The following UNC80 variants were observed in gnomAD, a reference collection of about 807,000 sequenced individuals.
UNC80 encodes the protein protein unc-80 homolog.
In UNC80, 164 loss-of-function variants were observed where a neutral mutation model predicts 384.6. The ratio of observed to expected loss-of-function variants is 0.43; its 90% CI spans 0.38 to 0.49. The LOEUF is 0.49. UNC80 is among the 20% of genes least tolerant of loss of function. The pLI is 0.00. For missense variants in UNC80, 3,330 were observed against 4,143.0 expected (o/e 0.80, Z 5.39); for synonymous variants, 1,486 against 1,527.8 (o/e 0.97, Z 0.64).
intron 25 of UNC80, 96 bp from the exon 26 acceptor site, chr2:209,887,999 A>G: frequency 1.7e-6 from 2 of 1,160,102 alleles, no homozygotes; most frequent in Non-Finnish European, 2.4e-6. Context: ...GTTTAAACGC[A>G]GTTGTGTATA....
intron 47 of UNC80, among the ~76,000 whole-genome samples, chr2:209,952,693 A>G (rs1308553029): frequency 6.6e-6 from 1 of 152,210 alleles, no homozygotes; most frequent in Non-Finnish European, 1.5e-5. Context: ...TCCAAAAGAT[A>G]TCTGCTAGCC....
At chr2:209,783,798 G>A (rs11693202) in intron 4 of UNC80, among the ~76,000 whole-genome samples, 20,536 of 152,038 alleles carry the variant, frequency 0.14, 1,990 homozygotes, top group African/African-American at 0.26. Flanking sequence ...ATAAAACCAG[G>A]TCAATTGAGG....
intron 5 of UNC80, 31 bp from the exon 6 acceptor site, chr2:209,789,501 C>T (rs35337581): frequency 0.091 from 139,188 of 1,534,520 alleles, 9,892 homozygotes; most frequent in African/African-American, 0.31. Context: ...TAAAACCTTA[C>T]AAAACGATGG....
intron 24 of UNC80, 72 bp from the exon 25 acceptor site, chr2:209,880,889 G>C: frequency 7.1e-7 from 1 of 1,415,726 alleles, no homozygotes; most frequent in Middle Eastern, 1.8e-4. Flanking sequence ...GTGTAGCTAT[G>C]TCCATCAAAC....
intron 31 of UNC80, among the ~76,000 whole-genome samples, chr2:209,914,681 G>GTGTGTGTA (rs770809140): frequency 6.7e-6 from 1 of 149,554 alleles, no homozygotes; most frequent in African/African-American, 2.5e-5. Flanking sequence ...GTGTGTGTGT[G>GTGTGTGTA]TATATAAATA....
At chr2:209,984,975 C>T (rs1368719474) in intron 61 of UNC80, 63 bp downstream of exon 61, 3 of 1,382,470 alleles carry the variant, frequency 2.2e-6, no homozygotes, top group Non-Finnish European at 3.0e-6. Context: ...TTCCCTGTCT[C>T]CTCTGTCTCT....
intron 16 of UNC80, among the ~76,000 whole-genome samples, chr2:209,831,840 G>A (rs1029531769): frequency 2.0e-5 from 3 of 152,182 alleles, no homozygotes; most frequent in Admixed American, 6.5e-5. Flanking sequence ...GTTATAGAGT[G>A]TTTGGTGAAA....
chr2:209,969,966 T>G, intron 53 of UNC80, 75 bp downstream of exon 53: 1 of 1,518,700 alleles, frequency 6.6e-7, no homozygotes, highest in Non-Finnish European at 8.9e-7. Flanking sequence ...AATTGAAGAT[T>G]TACAGGTCAA....
chr2:209,971,610 G>T lies in UNC80; in HGVS notation c.8257-591G>T, dbSNP rs1274724145. ...TAAATGGATAACTGACCCATCCGTCGTTTGACAACCAAGCTTGATGGCTCA... is the reference window on the plus strand; with the variant it reads ...TAAATGGATAACTGACCCATCCGTCTTTTGACAACCAAGCTTGATGGCTCA... On this transcript the variant is annotated intron_variant, in intron 54 of 64. Transcript: ENST00000673920. 1.3e-5 allele frequency among the ~76,000 whole-genome samples: 2 copies of T among 152,118 alleles called. 1 individual carries two copies. Among genetic ancestry groups the T allele is most frequent in the Non-Finnish European group, 2.9e-5 (2 of 68,032 alleles).
chr2:209,801,132 TG>T (rs1238711503), intron 7 of UNC80, among the ~76,000 whole-genome samples: 1 of 152,180 alleles, frequency 6.6e-6, no homozygotes, highest in African/African-American at 2.4e-5. Flanking sequence ...CTCATTGATC[TG>T]TGTAATACTG....
At chr2:209,794,121 T>C (rs928658450) in intron 7 of UNC80, among the ~76,000 whole-genome samples, 1 of 152,240 alleles carries the variant, frequency 6.6e-6, no homozygotes, top group African/African-American at 2.4e-5. Context: ...AATGTTTAAG[T>C]GCAGAACTCA....
Position 209,931,032 on chromosome 2 carries a change from C to G in UNC80, c.5972C>G (p.Ser1991Cys), listed in dbSNP as rs1377820770. The change falls in exon 38 of 65, where the codon TCT (serine) becomes TGT (cysteine). Residue 1991 changes from serine (S) to cysteine (C), a missense_variant. Around this residue, in one of 8 missense-constraint regions of UNC80, gnomAD observed 1,049 missense variants for 1,488.6 expected, o/e 0.70. Transcript: ENST00000673920. ...ATTGGAGACTTTCCTGCTCAGACAT[C>G]TCACATCCTATTCAACTATTTGGTG... Reference protein sequence around the residue: ...LNIGDFPAQTSHILFNYLVGL... With the variant: ...LNIGDFPAQTCHILFNYLVGL... 4 of 1,550,198 alleles carry G rather than the reference C, an allele frequency of 2.6e-6. No homozygotes were observed. The highest frequency in any genetic ancestry group is 3.5e-6 in the Non-Finnish European group (4 of 1,145,970).
At chr2:209,984,641 C>T (rs2093242657) in intron 60 of UNC80, among the ~76,000 whole-genome samples, 1 of 152,074 alleles carries the variant, frequency 6.6e-6, no homozygotes, top group Admixed American at 6.5e-5. Flanking sequence ...GAGTTGTATC[C>T]ATCCAAAGCC....
intron 52 of UNC80, 164 bp downstream of exon 52, chr2:209,967,801 C>G: frequency 1.7e-6 from 1 of 601,664 alleles, no homozygotes; most frequent in Non-Finnish European, 2.8e-6. Flanking sequence ...GTAGCAAAGC[C>G]TACATTTTGA....
intron 7 of UNC80, chr2:209,795,927 A>G (rs375032715): frequency 1.3e-5 from 2 of 152,370 alleles, no homozygotes; most frequent in Admixed American, 6.5e-5. Context: ...CCCCACACAG[A>G]GTCCCTAATG....
intron 29 of UNC80, among the ~76,000 whole-genome samples, chr2:209,910,572 A>G (rs1251942633): frequency 4.6e-5 from 7 of 151,756 alleles, no homozygotes; most frequent in Admixed American, 4.6e-4. Flanking sequence ...ATGGTAGGAT[A>G]TTAAATATTT....
Position 209,939,561 on chromosome 2 carries a change from C to T in UNC80, c.6555C>T (p.His2185=), listed in dbSNP as rs78714720. ...QKIPTAHKQS[H]VSMLQEDLLR... is the part of the protein sequence containing the mutation. ...TCCCCACAGCCCACAAACAGTCCCACGTCTCCATGCTTCAGGAAGACCTCC... is the reference window on the plus strand; with the variant it reads ...TCCCCACAGCCCACAAACAGTCCCATGTCTCCATGCTTCAGGAAGACCTCC... The change falls in exon 43 of 65, where the codon CAC becomes CAT. Residue 2185 remains histidine, a synonymous_variant. Coordinates refer to ENST00000673920, the MANE Select transcript of UNC80 (RefSeq NM_001371986.1). The T allele has an allele frequency of 4.2e-4, 659 of 1,551,804 alleles. 2 individuals are homozygous for T. The highest frequency in any genetic ancestry group is 6.7e-4 in the Middle Eastern group (4 of 5,994).
intron 7 of UNC80, chr2:209,808,757 C>CCTGCCCTACTT: frequency 2.4e-5 from 1 of 42,408 alleles, no homozygotes; most frequent in Non-Finnish European, 3.8e-5. Flanking sequence ...GAGTGGGTCG[C>CCTGCCCTACTT]CTGCGCTACT....
chr2:209,868,796 G>T (rs1023138669), intron 22 of UNC80, among the ~76,000 whole-genome samples: 1 of 152,040 alleles, frequency 6.6e-6, no homozygotes, highest in African/African-American at 2.4e-5. Flanking sequence ...TTGCTGATAC[G>T]ACTATTTTTG....
Sources: gnomAD v4.1 joint callset for allele counts (sites outside exome capture counted in the v4.1 genomes callset) on GRCh38, gnomAD v4.1.1 for gene constraint, gnomAD v4.1.1 regional missense constraint, MANE v1.5 for transcripts, NCBI Gene and HGNC (gene_info 2026-07-23, HGNC 2026-07-21) for gene names.